The following CLEC16A variants were observed in gnomAD, a reference collection of about 807,000 sequenced individuals.
CLEC16A encodes the protein C-type lectin domain containing 16A, also known as protein CLEC16A.
CLEC16A carries 51 observed loss-of-function variants against 109.5 expected under a neutral mutation model. The observed-to-expected ratio is 0.47, with a 90% CI of 0.37 to 0.59. The LOEUF is 0.59. CLEC16A is among the 20% of genes least tolerant of loss of function. The pLI, the probability that CLEC16A is intolerant of heterozygous loss-of-function variation, is 0.00. For missense variants in CLEC16A, 1,339 were observed against 1,394.0 expected, an observed-to-expected ratio of 0.96 and a Z score of 0.63; for synonymous variants, 673 against 564.2, an observed-to-expected ratio of 1.19 and a Z score of -2.73.
At chr16:10,969,451 A>G in intron 4 of CLEC16A, 142 bp downstream of exon 4, 1 of 574,504 alleles carries the variant, frequency 1.7e-6, no homozygotes, top group East Asian at 3.4e-5. Context: ...TTTCATGGCA[A>G]CACTTTTGAC....
intron 19 of CLEC16A, among the ~76,000 whole-genome samples, chr16:11,100,251 A>G (rs1597382518): frequency 6.6e-6 from 1 of 152,062 alleles, no homozygotes; most frequent in African/African-American, 2.4e-5. Flanking sequence ...GGGCTTTCTC[A>G]CCACCTATCA....
rs78163673 is a variant in CLEC16A, at chr16:11,142,406, G to A, written c.2641+16260G>A. On this transcript the variant is annotated intron_variant, in intron 22 of 23. Transcript: ENST00000409790. The stretch of plus-strand genomic sequence containing the variant: ...GCGCTGTGATCAAGCAGGCCTGGAG[G>A]TGCCTGTGCTTGGCCCTTGGCACTA... 1.4e-3 allele frequency among the ~76,000 whole-genome samples: 209 copies of A among 152,370 alleles called. 1 individual carries two copies. The East Asian group carries it at 0.035, about 26-fold the overall frequency.
chr16:11,082,509 A>G (rs1318944669), intron 19 of CLEC16A, among the ~76,000 whole-genome samples: 2 of 152,222 alleles, frequency 1.3e-5, no homozygotes, highest in African/African-American at 4.8e-5. Context: ...GGCTACAGGT[A>G]AGACTTGATG....
At chr16:10,945,701 G>T (rs2041323010) in intron 1 of CLEC16A, among the ~76,000 whole-genome samples, 1 of 152,164 alleles carries the variant, frequency 6.6e-6, no homozygotes, top group Non-Finnish European at 1.5e-5. Flanking sequence ...GTACATAGTA[G>T]GTGGCCAGTA....
rs1233850878 is a variant in CLEC16A, at chr16:11,020,164, C to T, written c.1304-29C>T. ...ATCTAGGGCTGAAAAGCTGTCTGGA[C>T]TCATCCCAGTCTCCATTTTGGCTTC... is the stretch of plus-strand genomic sequence containing the variant. On this transcript the variant is annotated intron_variant, in intron 11 of 23. Coordinates refer to ENST00000409790, the MANE Select transcript of CLEC16A (RefSeq NM_015226.3). 2.5e-6 allele frequency: 4 copies of T among 1,596,244 alleles called. No homozygotes were observed. In the South Asian group the frequency reaches 4.5e-5, roughly 18 times the overall value.
At chr16:11,093,761 G>A (rs1045083806) in intron 19 of CLEC16A, among the ~76,000 whole-genome samples, 2 of 152,230 alleles carry the variant, frequency 1.3e-5, no homozygotes, top group Admixed American at 6.5e-5. Flanking sequence ...GTGCAGAGAA[G>A]GGGCCCTGCT....
intron 1 of CLEC16A, among the ~76,000 whole-genome samples, chr16:10,957,439 C>G (rs753702190): frequency 4.0e-4 from 61 of 152,248 alleles, no homozygotes; most frequent in Non-Finnish European, 6.0e-4. Context: ...GCTCTTCTCT[C>G]AGTCCTGCTG....
intron 5 of CLEC16A, chr16:10,971,646 A>G (rs982538332): frequency 2.3e-6 from 1 of 431,906 alleles, no homozygotes; most frequent in Non-Finnish European, 3.1e-6. Flanking sequence ...CATTGTGAAC[A>G]GCAGGGGGCA....
intron 18 of CLEC16A, among the ~76,000 whole-genome samples, chr16:11,058,008 G>C (rs2048296393): frequency 1.3e-5 from 2 of 149,604 alleles, no homozygotes; most frequent in South Asian, 4.1e-4. Context: ...GGTGTGGTGG[G>C]GTGAATTTTA....
At chr16:11,040,353 C>T in intron 14 of CLEC16A, 1 of 160,580 alleles carries the variant, frequency 6.2e-6, no homozygotes, top group Admixed American at 6.0e-5. Context: ...GAGAAAAACT[C>T]ACTTGGACTG....
chr16:10,950,046 T>A (rs1316188104), intron 1 of CLEC16A, among the ~76,000 whole-genome samples: 1 of 152,238 alleles, frequency 6.6e-6, no homozygotes, highest in Non-Finnish European at 1.5e-5. Flanking sequence ...CTGTTCACAC[T>A]GTCCCACACA....
chr16:10,994,584 G>T (rs949428199), intron 10 of CLEC16A, among the ~76,000 whole-genome samples: 1 of 152,064 alleles, frequency 6.6e-6, no homozygotes, highest in African/African-American at 2.4e-5. Flanking sequence ...TGTGTCTGTG[G>T]TCCCAGCTAC....
chr16:11,023,742 C>T (rs910027507), intron 12 of CLEC16A, among the ~76,000 whole-genome samples: 7 of 152,172 alleles, frequency 4.6e-5, no homozygotes, highest in African/African-American at 7.2e-5. Context: ...TTTCACTCCC[C>T]GTAGGCATCC....
At chr16:11,055,553 G>A (rs188895571) in intron 18 of CLEC16A, among the ~76,000 whole-genome samples, 21 of 138,194 alleles carry the variant, frequency 1.5e-4, no homozygotes, top group East Asian at 1.2e-3. Flanking sequence ...GGCATCTCAC[G>A]ATAACGCCGT....
chr16:10,978,384 G>A (rs2043135916), intron 8 of CLEC16A, among the ~76,000 whole-genome samples: 1 of 152,226 alleles, frequency 6.6e-6, no homozygotes, highest in South Asian at 2.1e-4. Context: ...CCATGCAGAG[G>A]TGCTCCAAGG....
chr16:11,047,732 C>T (rs1382859411), intron 17 of CLEC16A: 1 of 155,030 alleles, frequency 6.5e-6, no homozygotes, highest in Non-Finnish European at 1.4e-5. Flanking sequence ...TTAGTCTCTT[C>T]TCATACTGCT....
intron 9 of CLEC16A, among the ~76,000 whole-genome samples, chr16:10,980,826 A>G (rs2043280074): frequency 6.6e-6 from 1 of 152,244 alleles, no homozygotes; most frequent in African/African-American, 2.4e-5. Context: ...TGAAAAACCT[A>G]AAATCAGGTA....
intron 19 of CLEC16A, among the ~76,000 whole-genome samples, chr16:11,107,553 C>G (rs2051298204): frequency 6.6e-6 from 1 of 152,202 alleles, no homozygotes; most frequent in Non-Finnish European, 1.5e-5. Context: ...TCGGTGGGAA[C>G]AGTCTCAGCC....
intron 19 of CLEC16A, among the ~76,000 whole-genome samples, chr16:11,086,636 A>T (rs531880943): frequency 6.6e-6 from 1 of 152,224 alleles, no homozygotes; most frequent in African/African-American, 2.4e-5. Flanking sequence ...TCCGCCTCCC[A>T]GGTTCAAGCG....
Sources: allele counts gnomAD v4.1 joint callset (sites outside exome capture counted in the v4.1 genomes callset), GRCh38; gene constraint gnomAD v4.1.1; transcripts MANE v1.5; gene names NCBI Gene and HGNC (gene_info 2026-07-23, HGNC 2026-07-21).